The following FHOD1 variants were observed in gnomAD, a reference collection of about 807,000 sequenced individuals.
FHOD1 encodes the protein FH1/FH2 domain-containing protein 1.
In FHOD1, 89 loss-of-function variants were observed where a neutral mutation model predicts 111.6. That is an observed-to-expected ratio of 0.80 (90% CI 0.67 to 0.95). The LOEUF is 0.95. Among genes scored for constraint, FHOD1 ranks in the 40% least tolerant of loss-of-function variants. The probability of loss-of-function intolerance (pLI) is 0.00; values close to 1 mark genes in which losing one functional copy is unlikely to be tolerated. For synonymous variants in FHOD1, 618 were observed against 639.0 expected (o/e 0.97, Z 0.50); for missense variants, 1,446 against 1,554.2 (o/e 0.93, Z 1.17).
chr16:67,238,350 A>G lies in FHOD1; in HGVS notation c.441+30T>C. The G allele has an allele frequency of 6.2e-7, 1 of 1,613,978 alleles. No individual in the cohort carries two copies. Among genetic ancestry groups the G allele is most frequent in the Admixed American group, 1.7e-5 (1 of 59,998 alleles). On this transcript the variant is annotated intron_variant, in intron 4 of 21. Transcript: ENST00000258201. This position sits in a 1 kb window ranked among gnomAD's most constrained non-coding sequence, Gnocchi z 4.2. ...GAGTTTAGGGAAGCTTGGGCTACAC[A>G]CTTACCCCCAGCCCACTGCGGGGCC...
Position 67,229,920 on chromosome 16 carries a change from TG to T in FHOD1, c.3284del (p.Pro1095GlnfsTer21). The T allele has an allele frequency of 3.1e-6, 5 of 1,614,140 alleles. No homozygotes were observed. Among genetic ancestry groups the T allele is most frequent in the Non-Finnish European group, 4.2e-6 (5 of 1,180,018 alleles). ...GPSTASPEEPPGSSLPSDTSD... is the reference protein window; with the variant it reads ...GPSTASPEEPXGSSLPSDTSD... ...ATGTATCACTGGGTAAACTGGAGCC[TG>T]GGGGTTCTTCTGGGGATGCAGTGGA... On this transcript the variant is annotated frameshift_variant, in exon 21 of 22. Coordinates refer to ENST00000258201, the MANE Select transcript of FHOD1 (RefSeq NM_013241.3). LOFTEE classifies it high-confidence loss of function.
Position 67,230,311 on chromosome 16 carries a change from C to T in FHOD1, c.3051+3G>A. On this transcript the variant is annotated splice_donor_region_variant and intron_variant, in intron 19 of 21. Transcript: ENST00000258201. ...CAAGACTAAGACCTGGAAGGGCACCCACCTCGGTGATCATGCGTCCCCGGG... is the reference window on the plus strand; with the variant it reads ...CAAGACTAAGACCTGGAAGGGCACCTACCTCGGTGATCATGCGTCCCCGGG... 6.2e-7 allele frequency: 1 copy of T among 1,614,128 alleles called. No homozygotes were observed. Among genetic ancestry groups the T allele is most frequent in the South Asian group, 1.1e-5 (1 of 91,086 alleles).
chr16:67,230,641 C>T lies in FHOD1; in HGVS notation c.2818G>A (p.Val940Ile). 1.2e-6 allele frequency: 2 copies of T among 1,614,062 alleles called. No individual in the cohort carries two copies. The highest frequency in any genetic ancestry group is 2.2e-5 in the South Asian group (2 of 91,092). Residue 940 changes from valine (V) to isoleucine (I), a missense_variant, in exon 18 of 22, where the codon GTT becomes ATT. By Grantham distance (29) the Val-to-Ile change is conservative (BLOSUM62 3). Transcript: ENST00000258201. ...THFLDQCARR[V>I]AMLRIVHRRV... ...CGGTGCACTATCCTTAGCATGGCAA[C>T]ACGGCGGGCACACTGGTCCAGGAAG... is the stretch of plus-strand genomic sequence containing the variant.
rs2034266837 is a variant in FHOD1 at position 67,231,434 on chromosome 16, G to T, written c.2501C>A (p.Ser834Tyr). 1 of 1,614,040 alleles carries T rather than the reference G, an allele frequency of 6.2e-7. No individual in the cohort carries two copies. Among genetic ancestry groups the T allele is most frequent in the South Asian group, 1.1e-5 (1 of 91,086 alleles). ...LLAVGNFLNGSQSSGFELSYL... is the reference protein window; with the variant it reads ...LLAVGNFLNGYQSSGFELSYL... ...TCCCCATGTACTCTCACTCACCTGG[G>T]AGCCATTGAGGAAGTTGCCCACCGC... The change falls in exon 16 of 22, where the codon TCC becomes TAC. Residue 834 changes from serine to tyrosine, a missense_variant. Coordinates refer to ENST00000258201, the MANE Select transcript of FHOD1 (RefSeq NM_013241.3). This position sits in a 1 kb window ranked among gnomAD's most constrained non-coding sequence, Gnocchi z 4.3.
At chr16:67,242,184 G>A (rs1053211287) in intron 1 of FHOD1, among the ~76,000 whole-genome samples, 1 of 152,154 alleles carries the variant, frequency 6.6e-6, no homozygotes, top group Non-Finnish European at 1.5e-5. Context: ...ATCCAGGCTG[G>A]TCTTGAACTC....
At chr16:67,236,282 G>C (rs886086575) in intron 11 of FHOD1, 1 of 966,534 alleles carries the variant, frequency 1.0e-6, no homozygotes, top group African/African-American at 1.7e-5. Context: ...GCAGAACAAG[G>C]GAGTGACAGA....
chr16:67,246,895 TACCGTCACTCTG>T (rs2034863777), intron 1 of FHOD1: 2 of 362,760 alleles, frequency 5.5e-6, no homozygotes, highest in Non-Finnish European at 1.0e-5. Context: ...CCCAAGCGGC[TACCGTCACTCTG>T]ACCAGGGAAG....
In FHOD1 at chr16:67,239,429, G is replaced by A; in HGVS notation, c.227C>T (p.Ser76Phe). 2 of 1,614,128 alleles carry A rather than the reference G, an allele frequency of 1.2e-6. No homozygotes were observed. The highest frequency in any genetic ancestry group is 2.2e-5 in the South Asian group (2 of 91,088). Residue 76 changes from serine to phenylalanine, a missense_variant, in exon 2 of 22, where the codon TCT (serine) becomes TTT (phenylalanine). Coordinates refer to ENST00000258201, the MANE Select transcript of FHOD1 (RefSeq NM_013241.3). Reference protein sequence around the residue: ...LKLEDCALQVSPSGYYLDTEL... With the variant: ...LKLEDCALQVFPSGYYLDTEL... The stretch of plus-strand genomic sequence containing the variant: ...GGTGTCCAGGTAGTATCCGGAGGGA[G>A]ACACTTGCAGAGCACAATCCTCCAA...
chr16:67,230,316 C>T lies in FHOD1; in HGVS notation c.3049G>A (p.Glu1017Lys), dbSNP rs755490026. 5.0e-6 allele frequency: 8 copies of T among 1,614,062 alleles called. No individual in the cohort carries two copies. Among genetic ancestry groups the T allele is most frequent in the East Asian group, 4.5e-5 (2 of 44,896 alleles). ...RNKTRGRMIT[E>K]TEKFSGVAGE... ...CTAAGACCTGGAAGGGCACCCACCTCGGTGATCATGCGTCCCCGGGTCTTG... is the reference window on the plus strand; with the variant it reads ...CTAAGACCTGGAAGGGCACCCACCTTGGTGATCATGCGTCCCCGGGTCTTG... Residue 1017 changes from glutamate to lysine, a missense_variant and splice_region_variant, in exon 19 of 22, where the codon GAG becomes AAG. By Grantham distance (56) the Glu-to-Lys change is moderately conservative. Around this residue, in one of 3 missense-constraint regions of FHOD1, gnomAD observed 1,085 missense variants for 1,108.8 expected, o/e 0.98. Coordinates refer to ENST00000258201, the MANE Select transcript of FHOD1 (RefSeq NM_013241.3).
rs1386323948 is a variant in FHOD1 at position 67,237,018 on chromosome 16, T to C, written c.1090A>G (p.Ser364Gly). The C allele has an allele frequency of 1.2e-6, 2 of 1,611,036 alleles. No homozygotes were observed. The highest frequency in any genetic ancestry group is 1.7e-6 in the Non-Finnish European group (2 of 1,178,820). ...RKPSSEEGKR[S>G]RRSLEGGGCP... Reference sequence around the variant, plus strand: ...CCCCCGCCTTCCAGAGAACGGCGGCTCCTCTTGCCCTCCTCAGAAGAAGGC... The same window carrying C: ...CCCCCGCCTTCCAGAGAACGGCGGCCCCTCTTGCCCTCCTCAGAAGAAGGC... The change falls in exon 10 of 22, where the codon AGC (serine) becomes GGC (glycine). Residue 364 changes from serine to glycine, a missense_variant. Ser to Gly is a moderately conservative substitution (Grantham distance 56). Coordinates refer to ENST00000258201, the MANE Select transcript of FHOD1 (RefSeq NM_013241.3). This position sits in a 1 kb window ranked among gnomAD's most constrained non-coding sequence, Gnocchi z 5.6.
chr16:67,230,329 TC>T lies in FHOD1; in HGVS notation c.3035del (p.Gly1012AspfsTer3), dbSNP rs1250810133. 8 of 1,614,084 alleles carry T rather than the reference TC, an allele frequency of 5.0e-6. No homozygotes were observed. In the Admixed American group the frequency reaches 1.2e-4, roughly 24 times the overall value. ...GGGCACCCACCTCGGTGATCATGCG[TC>T]CCCGGGTCTTGTTGCGCTCACGGTA... ...ATYRERNKTR[G>X]RMITETEKFS... is the part of the protein sequence containing the mutation. On this transcript the variant is annotated frameshift_variant, in exon 19 of 22. Coordinates refer to ENST00000258201, the MANE Select transcript of FHOD1 (RefSeq NM_013241.3). LOFTEE classifies it high-confidence loss of function.
At position 67,230,335 on chromosome 16, in the gene FHOD1, G is replaced by A. The variant is rs1203839429; in HGVS notation, c.3030C>T (p.Thr1010=). Residue 1010 remains threonine (T), a synonymous_variant, in exon 19 of 22, where the codon ACC becomes ACT. Transcript: ENST00000258201. ...KQATYRERNK[T]RGRMITETEK... ...CCACCTCGGTGATCATGCGTCCCCG[G>A]GTCTTGTTGCGCTCACGGTATGTGG... 1 of 1,614,238 alleles carries A rather than the reference G, an allele frequency of 6.2e-7. No homozygotes were observed. The highest frequency in any genetic ancestry group is 1.3e-5 in the African/African-American group (1 of 75,062).
chr16:67,237,084 C>T lies in FHOD1; in HGVS notation c.1024G>A (p.Glu342Lys), dbSNP rs2034513900. The T allele has an allele frequency of 5.6e-6, 9 of 1,612,572 alleles. No homozygotes were observed. Among genetic ancestry groups the T allele is most frequent in the South Asian group, 2.2e-5 (2 of 90,904 alleles). The change falls in exon 10 of 22, where the codon GAA becomes AAA. Residue 342 changes from glutamate (E) to lysine (K), a missense_variant. By Grantham distance (56) the Glu-to-Lys change is moderately conservative. Around this residue, in one of 3 missense-constraint regions of FHOD1, gnomAD observed 1,085 missense variants for 1,108.8 expected, o/e 0.98. Transcript: ENST00000258201. This position sits in a 1 kb window ranked among gnomAD's most constrained non-coding sequence, Gnocchi z 5.6. ...CGCCCACCAGCGCCTGGGGCTTCTTCGATGTCTCCATCCTCCAATTTCAGG... is the reference window on the plus strand; with the variant it reads ...CGCCCACCAGCGCCTGGGGCTTCTTTGATGTCTCCATCCTCCAATTTCAGG... ...NALKLEDGDI[E>K]EAPGAGGRRE... is the part of the protein sequence containing the mutation.
Position 67,238,333 on chromosome 16 carries a change from G to A in FHOD1, c.442-26C>T. ...CTAGAGGCACCATGGGGGAGTTTAG[G>A]GAAGCTTGGGCTACACACTTACCCC... On this transcript the variant is annotated intron_variant, in intron 4 of 21. Transcript: ENST00000258201. The surrounding 1 kb of genome is among the most constrained non-coding windows in gnomAD (Gnocchi z 4.2). The A allele has an allele frequency of 1.2e-6, 2 of 1,614,004 alleles. No homozygotes were observed. The highest frequency in any genetic ancestry group is 4.5e-5 in the East Asian group (2 of 44,882).
rs758949262 is a variant in FHOD1, at chr16:67,237,781, G to C, written c.643-13C>G. ...CCACCAAGCGGGACTGAGGAGAGAG[G>C]TCAGTACATATGAGTGGGGCTTAGG... On this transcript the variant is annotated splice_polypyrimidine_tract_variant and intron_variant, in intron 6 of 21. Transcript: ENST00000258201. This position sits in a 1 kb window ranked among gnomAD's most constrained non-coding sequence, Gnocchi z 5.6. 6.2e-7 allele frequency: 1 copy of C among 1,609,482 alleles called. No homozygotes were observed. The highest frequency in any genetic ancestry group is 2.2e-5 in the East Asian group (1 of 44,858).
rs1567400189 is a variant in FHOD1 at position 67,247,360 on chromosome 16, G to A, written c.51C>T (p.Thr17=). The A allele has an allele frequency of 1.2e-5, 20 of 1,613,466 alleles. No individual in the cohort carries two copies. The highest frequency in any genetic ancestry group is 1.6e-5 in the Non-Finnish European group (19 of 1,179,806). The change falls in exon 1 of 22, where the codon ACC becomes ACT. Residue 17 remains threonine, a synonymous_variant. Transcript: ENST00000258201. The stretch of plus-strand genomic sequence containing the variant: ...TGTCTTCCAGGTACTGCACCCTCAC[G>A]GTCACCACTGATACCGGCTCTCCGT... ...RGDGEPVSVV[T]VRVQYLEDTD...
chr16:67,246,670 C>T (rs2034848745), intron 1 of FHOD1, among the ~76,000 whole-genome samples: 1 of 152,200 alleles, frequency 6.6e-6, no homozygotes. Flanking sequence ...GCGGGGACTC[C>T]CCTCACCCCG....
At position 67,236,956 on chromosome 16, in the gene FHOD1, T is replaced by A; in HGVS notation, c.1142+10A>T. 1.3e-6 allele frequency: 2 copies of A among 1,572,504 alleles called. No individual in the cohort carries two copies. Among genetic ancestry groups the A allele is most frequent in the Non-Finnish European group, 1.7e-6 (2 of 1,161,054 alleles). On this transcript the variant is annotated intron_variant, in intron 10 of 21. Transcript: ENST00000258201. ...TCCACCCTTTCCCATCTACAGATGC[T>A]CGTACTTACCCAGGTTCCGGGGCAC...
chr16:67,231,090 C>T lies in FHOD1; in HGVS notation c.2667+98G>A. ...CCCAGGTGGCTGGAGCAAGCCCTGG[C>T]ACAGCAGCCCAAATGGGGAGAAGGG... On this transcript the variant is annotated intron_variant, in intron 17 of 21. Transcript: ENST00000258201. This position sits in a 1 kb window ranked among gnomAD's most constrained non-coding sequence, Gnocchi z 4.3. 6.7e-7 allele frequency: 1 copy of T among 1,497,024 alleles called. No individual in the cohort carries two copies. The highest frequency in any genetic ancestry group is 2.3e-5 in the East Asian group (1 of 43,486). The allele number at this position is 1,497,024 out of a possible 1,614,324, so 92.7% of individuals were successfully genotyped here.
Sources: gnomAD v4.1 joint callset for allele counts (sites outside exome capture counted in the v4.1 genomes callset) on GRCh38, gnomAD v4.1.1 for gene constraint, gnomAD v4.1.1 regional missense constraint, Gnocchi (gnomAD v3.1) non-coding constraint, MANE v1.5 for transcripts, NCBI Gene and HGNC (gene_info 2026-07-23, HGNC 2026-07-21) for gene names.